PDE8B: variants seen among roughly 807,000 people sequenced by gnomAD.
PDE8B encodes high affinity cAMP-specific and IBMX-insensitive 3',5'-cyclic phosphodiesterase 8B.
In PDE8B, 26 loss-of-function variants were observed where a neutral mutation model predicts 101.3. The observed-to-expected ratio is 0.26, with a 90% CI of 0.19 to 0.36. The LOEUF is 0.36. Ranked by LOEUF, PDE8B falls within the 10% of genes least tolerant of loss-of-function variation. PDE8B has a pLI of 1.00. For missense variants in PDE8B, 810 were observed against 1,163.1 expected (o/e 0.70, Z 4.42); for synonymous variants, 424 against 429.3 (o/e 0.99, Z 0.15).
intron 10 of PDE8B, among the ~76,000 whole-genome samples, chr5:77,377,590 C>T (rs1011405936): frequency 3.3e-5 from 5 of 152,064 alleles, no homozygotes; most frequent in Admixed American, 6.5e-5. Context: ...AAAAAAGATA[C>T]CCAGAAAAAG....
intron 10 of PDE8B, among the ~76,000 whole-genome samples, chr5:77,386,779 TA>T: frequency 6.6e-6 from 1 of 151,832 alleles, no homozygotes; most frequent in East Asian, 1.9e-4. Flanking sequence ...CATTTACATT[TA>T]AAAAAGGTTA....
chr5:77,344,892 T>C lies in PDE8B; in HGVS notation c.837T>C (p.His279=), dbSNP rs1779873951. 2 of 1,612,202 alleles carry C rather than the reference T, an allele frequency of 1.2e-6. No individual in the cohort carries two copies. The highest frequency in any genetic ancestry group is 1.7e-6 in the Non-Finnish European group (2 of 1,178,174). ...NSVFTALDHC[H]EAIEITSDDH... is the part of the protein sequence containing the mutation. Reference sequence around the variant, plus strand: ...TGTTTACAGCATTAGATCACTGTCATGAAGCCATAGAAATAACAAGCGATG... The same window carrying C: ...TGTTTACAGCATTAGATCACTGTCACGAAGCCATAGAAATAACAAGCGATG... Residue 279 remains histidine, a synonymous_variant, in exon 7 of 22, where the codon CAT becomes CAC. Transcript: ENST00000264917.
At chr5:77,126,716 G>A in the PDE8B span, among the ~76,000 whole-genome samples, 2 of 152,080 alleles carry the variant, frequency 1.3e-5, no homozygotes, top group African/African-American at 2.4e-5. Context: ...CACAGCACCC[G>A]GCCCTACAAA....
At chr5:77,320,225 A>G (rs1293323313) in intron 2 of PDE8B, among the ~76,000 whole-genome samples, 1 of 152,202 alleles carries the variant, frequency 6.6e-6, no homozygotes, top group Non-Finnish European at 1.5e-5. Flanking sequence ...ATCACCCGAA[A>G]AGTGAAAAAT....
At chr5:77,217,343 C>A (rs1413662082) in intron 1 of PDE8B, among the ~76,000 whole-genome samples, 1 of 151,498 alleles carries the variant, frequency 6.6e-6, no homozygotes, top group Non-Finnish European at 1.5e-5. Context: ...CTATAACCTT[C>A]TCTCCACAGA....
At chr5:77,325,224 G>T (rs1317918711) in intron 2 of PDE8B, among the ~76,000 whole-genome samples, 3 of 152,216 alleles carry the variant, frequency 2.0e-5, no homozygotes, top group Non-Finnish European at 4.4e-5. Context: ...CTGGAGTGCA[G>T]TGGTGCAATC....
At chr5:77,189,787 G>C in the PDE8B span, among the ~76,000 whole-genome samples, 2 of 152,160 alleles carry the variant, frequency 1.3e-5, no homozygotes, top group Non-Finnish European at 2.9e-5. Flanking sequence ...TGGGGGGTCT[G>C]ACAGTTTGTA....
chr5:77,094,647 A>G, the PDE8B span, among the ~76,000 whole-genome samples: 1 of 152,106 alleles, frequency 6.6e-6, no homozygotes, highest in Non-Finnish European at 1.5e-5. Flanking sequence ...TTGCATTGCT[A>G]TCTGAAAGGA....
intron 10 of PDE8B, among the ~76,000 whole-genome samples, chr5:77,389,698 ATAGAT>A (rs1470380136): frequency 1.3e-5 from 2 of 152,090 alleles, no homozygotes; most frequent in African/African-American, 2.4e-5. Context: ...TTACTTAACC[ATAGAT>A]TAGAGTTTGA....
intron 5 of PDE8B, among the ~76,000 whole-genome samples, chr5:77,332,452 C>T (rs1777320021): frequency 6.6e-6 from 1 of 152,130 alleles, no homozygotes; most frequent in African/African-American, 2.4e-5. Context: ...TGATATTCAA[C>T]TTGAAGATTA....
chr5:77,265,957 G>A (rs1163849881), intron 1 of PDE8B, among the ~76,000 whole-genome samples: 1 of 152,210 alleles, frequency 6.6e-6, no homozygotes, highest in Non-Finnish European at 1.5e-5. Flanking sequence ...AAACTGAAGA[G>A]AGAAGTGTCC....
the PDE8B span, among the ~76,000 whole-genome samples, chr5:77,173,411 T>C: frequency 6.6e-6 from 1 of 152,156 alleles, no homozygotes; most frequent in African/African-American, 2.4e-5. Flanking sequence ...AAGAAGGTGG[T>C]TGTTGGCTGA....
the PDE8B span, among the ~76,000 whole-genome samples, chr5:77,122,838 A>G: frequency 6.6e-6 from 1 of 152,222 alleles, no homozygotes; most frequent in African/African-American, 2.4e-5. Context: ...TAGGAAAAAA[A>G]CTATTTTAAG....
chr5:77,262,315 G>A lies in PDE8B; in HGVS notation c.340-49679G>A, dbSNP rs1296601817. Among the ~76,000 whole-genome samples, 8 of 152,278 alleles carry A rather than the reference G, an allele frequency of 5.3e-5. No homozygotes were observed. In the East Asian group the frequency reaches 1.5e-3, roughly 29 times the overall value. ...TATGCTTCTTCTGACATGTCCTCTAGTACTAAAGTGGTCATGGGTTAGCTT... is the reference window on the plus strand; with the variant it reads ...TATGCTTCTTCTGACATGTCCTCTAATACTAAAGTGGTCATGGGTTAGCTT... On this transcript the variant is annotated intron_variant, in intron 1 of 21. Coordinates refer to ENST00000264917, the MANE Select transcript of PDE8B (RefSeq NM_003719.5).
At chr5:77,265,969 G>C (rs889354364) in intron 1 of PDE8B, among the ~76,000 whole-genome samples, 1 of 152,170 alleles carries the variant, frequency 6.6e-6, no homozygotes, top group Non-Finnish European at 1.5e-5. Context: ...GAAGTGTCCT[G>C]ATCCTAAAAC....
chr5:77,382,516 T>C (rs898353662), intron 10 of PDE8B, among the ~76,000 whole-genome samples: 1 of 152,116 alleles, frequency 6.6e-6, no homozygotes, highest in Non-Finnish European at 1.5e-5. Flanking sequence ...TGTGCCATGG[T>C]GGTTTCCTGC....
At chr5:77,195,709 T>C in the PDE8B span, among the ~76,000 whole-genome samples, 1 of 152,154 alleles carries the variant, frequency 6.6e-6, no homozygotes, top group African/African-American at 2.4e-5. Context: ...ATGTTATATA[T>C]ATTATATACT....
At chr5:77,316,777 AATATCAT>A (rs1408499159) in intron 2 of PDE8B, among the ~76,000 whole-genome samples, 2 of 152,184 alleles carry the variant, frequency 1.3e-5, no homozygotes, top group African/African-American at 4.8e-5. Context: ...TAACAAATTG[AATATCAT>A]AAACTCATAA....
chr5:77,241,298 G>A (rs1432226902), intron 1 of PDE8B, among the ~76,000 whole-genome samples: 1 of 152,170 alleles, frequency 6.6e-6, no homozygotes, highest in African/African-American at 2.4e-5. Context: ...AGTTCAAAGT[G>A]TATTGCTCTT....
Sources: gnomAD v4.1 joint callset for allele counts (sites outside exome capture counted in the v4.1 genomes callset) on GRCh38, gnomAD v4.1.1 for gene constraint, MANE v1.5 for transcripts, NCBI Gene and HGNC (gene_info 2026-07-23, HGNC 2026-07-21) for gene names.